Variants in FERMT2 observed in about 807,000 individuals in gnomAD.
FERMT2 encodes the protein fermitin family homolog 2.
Under a neutral mutation model 82.7 loss-of-function variants are expected in FERMT2, and 15 were observed. The ratio of observed to expected loss-of-function variants is 0.18; its 90% confidence interval spans 0.12 to 0.28. The LOEUF is 0.28. FERMT2 is among the 10% of genes least tolerant of loss of function. FERMT2 has a pLI of 1.00. For missense variants in FERMT2, 645 were observed against 809.4 expected, an observed-to-expected ratio of 0.80 and a Z score of 2.46; for synonymous variants, 274 against 271.5, an observed-to-expected ratio of 1.01 and a Z score of -0.09.
chr14:52,880,341 CTTTTA>C (rs1886213943), intron 6 of FERMT2, among the ~76,000 whole-genome samples: 1 of 152,094 alleles, frequency 6.6e-6, no homozygotes, highest in Non-Finnish European at 1.5e-5. Flanking sequence ...CTTTTTGAAA[CTTTTA>C]TTTAAATATA....
At chr14:52,885,930 C>A in intron 4 of FERMT2, among the ~76,000 whole-genome samples, 1 of 147,034 alleles carries the variant, frequency 6.8e-6, no homozygotes. Flanking sequence ...GATATAAGAC[C>A]ACATAAAAAT....
At chr14:52,895,884 C>T (rs1271353516) in intron 3 of FERMT2, among the ~76,000 whole-genome samples, 3 of 152,154 alleles carry the variant, frequency 2.0e-5, no homozygotes, top group African/African-American at 7.2e-5. Context: ...AATAGGTCTA[C>T]AGTCATGCGT....
At chr14:52,912,959 T>C (rs1566746412) in intron 3 of FERMT2, among the ~76,000 whole-genome samples, 1 of 152,344 alleles carries the variant, frequency 6.6e-6, no homozygotes, top group African/African-American at 2.4e-5. Flanking sequence ...GGCATGTTTC[T>C]GACTTTAGAA....
At chr14:52,897,076 C>T (rs531501355) in intron 3 of FERMT2, among the ~76,000 whole-genome samples, 1 of 150,316 alleles carries the variant, frequency 6.7e-6, no homozygotes, top group African/African-American at 2.4e-5. Context: ...AAGTTACCTC[C>T]CTCCTCAAAA....
intron 2 of FERMT2, among the ~76,000 whole-genome samples, chr14:52,938,661 G>C (rs933761038): frequency 1.8e-4 from 27 of 152,042 alleles, no homozygotes; most frequent in African/African-American, 6.3e-4. Context: ...CCACCTCCCA[G>C]GTTCAAGTGA....
chr14:52,858,701 C>T, intron 14 of FERMT2, 151 bp from the exon 15 acceptor site: 3 of 620,058 alleles, frequency 4.8e-6, no homozygotes, highest in Non-Finnish European at 8.1e-6. Context: ...CGAATAATGC[C>T]TTTAAGTCCC....
intron 10 of FERMT2, among the ~76,000 whole-genome samples, chr14:52,865,114 T>C (rs1252424841): frequency 2.6e-5 from 4 of 152,082 alleles, no homozygotes. Flanking sequence ...CCTGAGGTCA[T>C]GAGTTTGAGA....
At chr14:52,888,359 AT>A (rs1886730539) in intron 4 of FERMT2, among the ~76,000 whole-genome samples, 1 of 152,216 alleles carries the variant, frequency 6.6e-6, no homozygotes, top group Non-Finnish European at 1.5e-5. Flanking sequence ...CAGCTTAAGA[AT>A]TCAGTGAAAA....
At chr14:52,897,741 C>A (rs564300984) in intron 3 of FERMT2, among the ~76,000 whole-genome samples, 1 of 152,230 alleles carries the variant, frequency 6.6e-6, no homozygotes, top group East Asian at 1.9e-4. Context: ...CTTTGGGAGG[C>A]TGAGACGGGT....
intron 2 of FERMT2, among the ~76,000 whole-genome samples, chr14:52,922,198 G>A (rs1238851761): frequency 6.6e-6 from 1 of 152,218 alleles, no homozygotes; most frequent in East Asian, 1.9e-4. Context: ...TTCAGGGCAT[G>A]CCTCAGAACT....
intron 4 of FERMT2, among the ~76,000 whole-genome samples, chr14:52,890,119 CAAA>C (rs772600306): frequency 3.8e-5 from 4 of 106,026 alleles, no homozygotes; most frequent in Admixed American, 2.0e-4. Flanking sequence ...GACTGTGTCT[CAAA>C]AAAAAAAAAA....
At position 52,927,189 on chromosome 14, in the gene FERMT2, C is replaced by T. The variant is rs1467397707; in HGVS notation, c.158-7833G>A. Among the ~76,000 whole-genome samples the T allele has an allele frequency of 2.0e-5, 3 of 152,022 alleles. No homozygotes were observed. The East Asian group carries it at 5.8e-4, about 29-fold the overall frequency. ...GGAACAGAAGGCTTGGGTTTCTCAT[C>T]ATTAGAGGCTGAGTAAATATTGCTT... On this transcript the variant is annotated intron_variant, in intron 2 of 14. Coordinates refer to ENST00000341590, the MANE Select transcript of FERMT2 (RefSeq NM_006832.3).
chr14:52,859,801 A>C, intron 13 of FERMT2, 87 bp from the exon 14 acceptor site: 3 of 717,494 alleles, frequency 4.2e-6, no homozygotes, highest in South Asian at 3.0e-5. Flanking sequence ...GTTCTCTCTA[A>C]CCCTAAAAGA....
chr14:52,896,769 T>A lies in FERMT2; in HGVS notation c.392-3342A>T, dbSNP rs1187733070. 1.6e-4 allele frequency among the ~76,000 whole-genome samples: 23 copies of A among 146,878 alleles called. 1 individual carries two copies. On this transcript the variant is annotated intron_variant, in intron 3 of 14. Transcript: ENST00000341590. ...CTTTGGGAGGCCAAAGTGGGAGAAC[T>A]GCTTGAGCTCAGGAGTTCAAGACCA...
intron 3 of FERMT2, among the ~76,000 whole-genome samples, chr14:52,900,693 A>T (rs1466433341): frequency 6.6e-6 from 1 of 152,164 alleles, no homozygotes; most frequent in Non-Finnish European, 1.5e-5. Flanking sequence ...CACTGTTCTA[A>T]TCATCAAACT....
In FERMT2 at chr14:52,950,606, A is replaced by C. The variant is rs905397660; in HGVS notation, c.-9-29T>G. The C allele has an allele frequency of 2.5e-6, 4 of 1,607,024 alleles. No homozygotes were observed. In the East Asian group the frequency reaches 6.7e-5, roughly 27 times the overall value. The stretch of plus-strand genomic sequence containing the variant: ...CGAGCGCGGAGGAAATGGCTCTCGT[A>C]AGCGTCACTCCCCCAAAGAAAGGCG... On this transcript the variant is annotated intron_variant, in intron 1 of 14. Transcript: ENST00000341590.
At chr14:52,948,640 T>G in intron 2 of FERMT2, 1 of 451,314 alleles carries the variant, frequency 2.2e-6, no homozygotes, top group South Asian at 1.6e-5. Flanking sequence ...TCATTTAAAT[T>G]AACATCATTT....
At chr14:52,945,536 G>C (rs1284810668) in intron 2 of FERMT2, among the ~76,000 whole-genome samples, 1 of 152,056 alleles carries the variant, frequency 6.6e-6, no homozygotes, top group African/African-American at 2.4e-5. Context: ...TTACAGGCGT[G>C]AGCCACCACT....
chr14:52,921,788 G>C (rs1480285942), intron 2 of FERMT2, among the ~76,000 whole-genome samples: 1 of 152,178 alleles, frequency 6.6e-6, no homozygotes, highest in Non-Finnish European at 1.5e-5. Flanking sequence ...TCAGATTTCA[G>C]ATTTTTGGAT....
Sources: gnomAD v4.1 joint callset for allele counts (sites outside exome capture counted in the v4.1 genomes callset) on GRCh38, gnomAD v4.1.1 for gene constraint, MANE v1.5 for transcripts, NCBI Gene and HGNC (gene_info 2026-07-23, HGNC 2026-07-21) for gene names.